Variants in MIDEAS observed in about 807,000 individuals in gnomAD.
The protein encoded by MIDEAS is mitotic deacetylase-associated SANT domain protein.
In MIDEAS, 26 loss-of-function variants were observed where a neutral mutation model predicts 102.7. The observed-to-expected ratio is 0.25, with a 90% CI of 0.19 to 0.35. The LOEUF is 0.35. Among genes scored for constraint, MIDEAS ranks in the 10% least tolerant of loss-of-function variants. The probability of loss-of-function intolerance (pLI) is 1.00; values close to 1 mark genes in which losing one functional copy is unlikely to be tolerated. For synonymous variants in MIDEAS, 585 were observed against 591.0 expected (o/e 0.99, Z 0.15); for missense variants, 1,231 against 1,435.6 (o/e 0.86, Z 2.30).
Position 73,739,609 on chromosome 14 carries a change from A to G in MIDEAS, c.400T>C (p.Trp134Arg), listed in dbSNP as rs1278507526. ...TAGAGGGACAGACTGTGGCAGTTCCATGTTGAATGGGGTGGAGGCTGGCCT... is the reference window on the plus strand; with the variant it reads ...TAGAGGGACAGACTGTGGCAGTTCCGTGTTGAATGGGGTGGAGGCTGGCCT... ...QPGQPPPHSTWNCHSLSLYSA... is the reference protein window; with the variant it reads ...QPGQPPPHSTRNCHSLSLYSA... The change falls in exon 2 of 13, where the codon TGG becomes CGG. Residue 134 changes from tryptophan (W) to arginine (R), a missense_variant. By Grantham distance (101) the Trp-to-Arg change is moderately radical. Around this residue, in one of 5 missense-constraint regions of MIDEAS, gnomAD observed 758 missense variants for 856.0 expected, o/e 0.89. Transcript: ENST00000423556. 6.2e-7 allele frequency: 1 copy of G among 1,613,784 alleles called. No individual in the cohort carries two copies. The highest frequency in any genetic ancestry group is 2.2e-5 in the East Asian group (1 of 44,860).
Position 73,726,955 on chromosome 14 carries a change from G to C in MIDEAS, c.2180C>G (p.Ser727Cys). The part of the protein sequence containing the change: ...VSIEPRINVG[S>C]RFQAEIPLMR... ...CAAGGGGATTTCTGCCTGGAACCGGGAGCCCACGTTGATCCGTCTAGAGGA... is the reference window on the plus strand; with the variant it reads ...CAAGGGGATTTCTGCCTGGAACCGGCAGCCCACGTTGATCCGTCTAGAGGA... Residue 727 changes from serine (S) to cysteine (C), a missense_variant, in exon 6 of 13, where the codon TCC becomes TGC. By Grantham distance (112) the Ser-to-Cys change is moderately radical. Around this residue, in one of 5 missense-constraint regions of MIDEAS, gnomAD observed 391 missense variants for 483.0 expected, o/e 0.81. Coordinates refer to ENST00000423556, the MANE Select transcript of MIDEAS (RefSeq NM_001367710.1). 1 of 1,612,198 alleles carries C rather than the reference G, an allele frequency of 6.2e-7. No homozygotes were observed. The highest frequency in any genetic ancestry group is 8.5e-7 in the Non-Finnish European group (1 of 1,178,644).
intron 1 of MIDEAS, among the ~76,000 whole-genome samples, chr14:73,741,153 C>T (rs1457203004): frequency 6.6e-6 from 1 of 152,192 alleles, no homozygotes; most frequent in East Asian, 1.9e-4. Flanking sequence ...TAACTCAGAT[C>T]GTAGAGGGTG....
chr14:73,723,078 A>C, intron 9 of MIDEAS: 1 of 423,392 alleles, frequency 2.4e-6, no homozygotes, highest in Non-Finnish European at 4.2e-6. Context: ...AAAAAGCTAT[A>C]AAGGACAATG....
intron 4 of MIDEAS, chr14:73,727,752 A>G: frequency 1.9e-6 from 1 of 526,876 alleles, no homozygotes; most frequent in South Asian, 2.5e-5. Flanking sequence ...AGGGGCTATC[A>G]CTACCTGTCT....
In MIDEAS at chr14:73,757,236, C is replaced by A. The variant is rs1483387793; in HGVS notation, c.-248+2527G>T. 3.7e-5 allele frequency among the ~76,000 whole-genome samples: 5 copies of A among 136,582 alleles called. No homozygotes were observed. In the Admixed American group the frequency reaches 4.1e-4, roughly 11 times the overall value. The allele number at this position is 136,582 out of a possible 152,430, so 89.6% of individuals were successfully genotyped here. Reference sequence around the variant, plus strand: ...GCAGCGACCTGAGATCGCACTACTGCACTCCAGCCTGGGCGACAGAGAAAG... The same window carrying A: ...GCAGCGACCTGAGATCGCACTACTGAACTCCAGCCTGGGCGACAGAGAAAG... On this transcript the variant is annotated intron_variant, in intron 1 of 12. Transcript: ENST00000423556.
chr14:73,769,432 C>T (rs2053622200), intron 1 of MIDEAS, among the ~76,000 whole-genome samples: 2 of 152,182 alleles, frequency 1.3e-5, no homozygotes, highest in African/African-American at 4.8e-5. Context: ...ATTGGAATAT[C>T]ATTAAGGCCC....
At chr14:73,735,110 G>A (rs1399753923) in intron 3 of MIDEAS, among the ~76,000 whole-genome samples, 1 of 152,148 alleles carries the variant, frequency 6.6e-6, no homozygotes, top group Admixed American at 6.5e-5. Flanking sequence ...GGGATGGGGC[G>A]GGGACTGGGG....
chr14:73,758,408 G>C (rs1051665617), intron 1 of MIDEAS, among the ~76,000 whole-genome samples: 4 of 152,152 alleles, frequency 2.6e-5, no homozygotes, highest in African/African-American at 7.2e-5. Context: ...CTGGCTTCTC[G>C]GTCCACCTTC....
In MIDEAS at chr14:73,729,787, C is replaced by T; in HGVS notation, c.1948G>A (p.Glu650Lys). ...GGGGGCGGCGTGTAGGGAGGTAGCT[C>T]AAAGCTCCGCTCAGAGGGGTGGTCA... is the stretch of plus-strand genomic sequence containing the variant. ...LADHPSERSF[E>K]LPPYTPPPIL... is the part of the protein sequence containing the mutation. Residue 650 changes from glutamate (E) to lysine (K), a missense_variant, in exon 4 of 13, where the codon GAG becomes AAG. By Grantham distance (56) the Glu-to-Lys change is moderately conservative. Around this residue, in one of 5 missense-constraint regions of MIDEAS, gnomAD observed 758 missense variants for 856.0 expected, o/e 0.89. Coordinates refer to ENST00000423556, the MANE Select transcript of MIDEAS (RefSeq NM_001367710.1). 1 of 1,612,842 alleles carries T rather than the reference C, an allele frequency of 6.2e-7. No homozygotes were observed. Among genetic ancestry groups the T allele is most frequent in the Non-Finnish European group, 8.5e-7 (1 of 1,179,696 alleles).
At chr14:73,776,180 G>A (rs1217060919) in intron 1 of MIDEAS, among the ~76,000 whole-genome samples, 2 of 152,000 alleles carry the variant, frequency 1.3e-5, no homozygotes, top group African/African-American at 4.8e-5. Flanking sequence ...CTCTGTCCTC[G>A]AAAGGCAGCA....
intron 1 of MIDEAS, among the ~76,000 whole-genome samples, chr14:73,741,690 C>G (rs774785149): frequency 6.6e-6 from 1 of 152,152 alleles, no homozygotes; most frequent in Non-Finnish European, 1.5e-5. Flanking sequence ...GCTCCTGGAG[C>G]CTGCCTGCCT....
chr14:73,750,564 G>A (rs1313189749), intron 1 of MIDEAS, among the ~76,000 whole-genome samples: 4 of 152,232 alleles, frequency 2.6e-5, no homozygotes, highest in Non-Finnish European at 4.4e-5. Flanking sequence ...GCTGGAGGCT[G>A]CAGGCTCAGC....
chr14:73,767,051 C>T (rs1270261259), intron 1 of MIDEAS, among the ~76,000 whole-genome samples: 3 of 151,334 alleles, frequency 2.0e-5, no homozygotes, highest in East Asian at 2.0e-4. Context: ...GATGGGGTTT[C>T]GTTATGTTGG....
intron 1 of MIDEAS, among the ~76,000 whole-genome samples, chr14:73,777,595 G>C (rs573743882): frequency 6.6e-6 from 1 of 151,882 alleles, no homozygotes; most frequent in African/African-American, 2.4e-5. Flanking sequence ...GTGCCTCCAG[G>C]CCTTGTCTGA....
intron 1 of MIDEAS, among the ~76,000 whole-genome samples, chr14:73,768,207 T>C (rs1259727641): frequency 6.6e-6 from 1 of 152,104 alleles, no homozygotes; most frequent in Non-Finnish European, 1.5e-5. Context: ...TGAGATGATA[T>C]GAGCCTACTG....
At chr14:73,743,098 C>T (rs765281365) in intron 1 of MIDEAS, among the ~76,000 whole-genome samples, 6 of 152,138 alleles carry the variant, frequency 3.9e-5, no homozygotes, top group Non-Finnish European at 8.8e-5. Context: ...ATCTGTCTGA[C>T]TCTAAGATCA....
intron 10 of MIDEAS, 104 bp downstream of exon 10, chr14:73,722,594 T>G (rs892316513): frequency 1.1e-5 from 15 of 1,399,694 alleles, no homozygotes; most frequent in Non-Finnish European, 1.5e-5. Context: ...TTCCTCAACC[T>G]GCCCTCTGCA....
chr14:73,780,955 T>C (rs1022570792), intron 1 of MIDEAS, among the ~76,000 whole-genome samples: 1 of 152,138 alleles, frequency 6.6e-6, no homozygotes, highest in African/African-American at 2.4e-5. Context: ...TTGTTGTTGT[T>C]GTTGTTAAGT....
rs201215001 is a variant in MIDEAS, at chr14:73,738,934, C to T, written c.1075G>A (p.Ala359Thr). 10 of 1,527,364 alleles carry T rather than the reference C, an allele frequency of 6.5e-6. No homozygotes were observed. The highest frequency in any genetic ancestry group is 2.2e-5 in the Admixed American group (1 of 46,040). The allele number at this position is 1,527,364 out of a possible 1,614,324, so 94.6% of individuals were successfully genotyped here. A position where few individuals can be genotyped will look rare whatever the true frequency, so the allele number is the denominator to read the frequency against. Reference protein sequence around the residue: ...LSKEGILPPSALDGAGTQPGQ... With the variant: ...LSKEGILPPSTLDGAGTQPGQ... ...GGCTGGGTGCCAGCCCCATCCAGGG[C>T]GCTGGGAGGCAGGATACCCTCCTTA... Residue 359 changes from alanine to threonine, a missense_variant, in exon 2 of 13, where the codon GCC becomes ACC. By Grantham distance (58) the Ala-to-Thr change is moderately conservative (BLOSUM62 0). Transcript: ENST00000423556.
Sources: allele counts gnomAD v4.1 joint callset (sites outside exome capture counted in the v4.1 genomes callset), GRCh38; gene constraint gnomAD v4.1.1; regional missense constraint gnomAD v4.1.1; transcripts MANE v1.5; gene names NCBI Gene and HGNC (gene_info 2026-07-23, HGNC 2026-07-21).